EP400: variants seen among roughly 807,000 people sequenced by gnomAD.
EP400 encodes E1A binding protein p400.
A neutral mutation model predicts 354.1 loss-of-function variants in EP400; 105 were observed. The ratio of observed to expected loss-of-function variants is 0.30; its 90% confidence interval spans 0.25 to 0.35. The LOEUF is 0.35. Ranked by LOEUF, EP400 falls within the 10% of genes least tolerant of loss-of-function variation. EP400 has a pLI of 1.00. For synonymous variants in EP400, 1,646 were observed against 1,716.9 expected, an observed-to-expected ratio of 0.96 and a Z score of 1.02; for missense variants, 3,280 against 4,121.0, an observed-to-expected ratio of 0.80 and a Z score of 5.59.
chr12:131,963,487 T>A, intron 2 of EP400: 1 of 1,444,914 alleles, frequency 6.9e-7, no homozygotes, highest in East Asian at 2.3e-5. Flanking sequence ...TTTGAGCAGT[T>A]GTAAAAATTA....
intron 10 of EP400, 111 bp downstream of exon 10, chr12:131,991,567 C>A: frequency 2.2e-6 from 2 of 901,160 alleles, no homozygotes; most frequent in Middle Eastern, 2.3e-4. Flanking sequence ...CTATTACTTC[C>A]TTTCTTTTCT....
intron 1 of EP400, among the ~76,000 whole-genome samples, chr12:131,953,047 G>C (rs936390016): frequency 2.6e-5 from 4 of 152,128 alleles, no homozygotes; most frequent in African/African-American, 9.7e-5. Flanking sequence ...CTCAGTGAGG[G>C]CGATATCTCC....
intron 15 of EP400, among the ~76,000 whole-genome samples, chr12:132,008,418 G>C (rs934415139): frequency 3.9e-5 from 6 of 152,048 alleles, no homozygotes; most frequent in Non-Finnish European, 8.8e-5. Context: ...TCCATTATTT[G>C]TTTCTGTCTT....
Position 132,011,594 on chromosome 12 carries a change from C to T in EP400, c.3401C>T (p.Ser1134Leu), listed in dbSNP as rs1893766932. Residue 1134 changes from serine (S) to leucine (L), a missense_variant, in exon 16 of 53, where the codon TCA becomes TTA. Ser to Leu is a moderately radical substitution (Grantham distance 145). This residue lies in a region of EP400 where 242 missense variants were observed against 357.9 expected (regional missense o/e 0.68). Coordinates refer to ENST00000389561, the MANE Select transcript of EP400 (RefSeq NM_015409.5). ...TGGTGTCCCGGACTCAAAATCCTCT[C>T]ATATATTGGCAGCCACAGAGAACTC... is the stretch of plus-strand genomic sequence containing the variant. ...KRWCPGLKILSYIGSHRELKA... is the reference protein window; with the variant it reads ...KRWCPGLKILLYIGSHRELKA... The T allele has an allele frequency of 1.2e-6, 2 of 1,613,584 alleles. No individual in the cohort carries two copies. Among genetic ancestry groups the T allele is most frequent in the African/African-American group, 2.7e-5 (2 of 75,002 alleles).
intron 4 of EP400, 34 bp downstream of exon 4, chr12:131,981,630 A>G (rs769970714): frequency 9.7e-6 from 15 of 1,538,876 alleles, no homozygotes; most frequent in East Asian, 7.0e-5. Context: ...CTCCCCGCTC[A>G]GGAGCAGGCA....
Position 132,028,738 on chromosome 12 carries a change from G to A in EP400, c.5381+450G>A, listed in dbSNP as rs981612325. 8.5e-5 allele frequency among the ~76,000 whole-genome samples: 13 copies of A among 152,272 alleles called. 1 individual carries two copies. Among genetic ancestry groups the A allele is most frequent in the Admixed American group, 6.5e-4 (10 of 15,296 alleles). Reference sequence around the variant, plus strand: ...CGGTGGGCACGGTGGGCACCCGGCCGCTCTCAACTGAGCTTGCTTTCAGTA... The same window carrying A: ...CGGTGGGCACGGTGGGCACCCGGCCACTCTCAACTGAGCTTGCTTTCAGTA... On this transcript the variant is annotated intron_variant, in intron 27 of 52. Coordinates refer to ENST00000389561, the MANE Select transcript of EP400 (RefSeq NM_015409.5).
chr12:132,013,890 C>T lies in EP400; in HGVS notation c.3900C>T (p.Tyr1300=), dbSNP rs763616684. The T allele has an allele frequency of 2.5e-6, 4 of 1,614,142 alleles. No homozygotes were observed. Among genetic ancestry groups the T allele is most frequent in the Admixed American group, 3.3e-5 (2 of 60,010 alleles). ...CRLSNRQKAL[Y]EDVILQPGTQ... The stretch of plus-strand genomic sequence containing the variant: ...TTTCTAACCGACAAAAAGCCTTATA[C>T]GAGGACGTTATCCTGCAACCTGGGT... The change falls in exon 19 of 53, where the codon TAC becomes TAT. Residue 1300 remains tyrosine (Y), a synonymous_variant. Coordinates refer to ENST00000389561, the MANE Select transcript of EP400 (RefSeq NM_015409.5). The surrounding 1 kb of genome is among the most constrained non-coding windows in gnomAD (Gnocchi z 4.5).
chr12:132,045,172 G>C, intron 37 of EP400, 147 bp from the exon 38 acceptor site: 2 of 1,374,522 alleles, frequency 1.5e-6, no homozygotes, highest in Non-Finnish European at 1.9e-6. Flanking sequence ...ATGAAGGCCC[G>C]AAAGCAGGTC....
intron 12 of EP400, 41 bp from the exon 13 acceptor site, chr12:132,005,036 T>C: frequency 1.4e-6 from 2 of 1,454,024 alleles, no homozygotes; most frequent in Non-Finnish European, 9.5e-7. Context: ...TTACAGTTGT[T>C]GTTATAAAGT....
intron 19 of EP400, among the ~76,000 whole-genome samples, chr12:132,015,328 G>A (rs149164965): frequency 8.5e-5 from 13 of 152,330 alleles, no homozygotes; most frequent in African/African-American, 2.9e-4. Context: ...GACAGAAACC[G>A]CTTTGCCATG....
intron 11 of EP400, among the ~76,000 whole-genome samples, chr12:131,993,184 G>A (rs1936056081): frequency 6.6e-6 from 1 of 152,006 alleles, no homozygotes; most frequent in African/African-American, 2.4e-5. Flanking sequence ...GGACTACTAC[G>A]CAGCTAATTT....
chr12:132,063,796 C>T (rs114745040), intron 47 of EP400, among the ~76,000 whole-genome samples: 211 of 152,272 alleles, frequency 1.4e-3, no homozygotes, highest in African/African-American at 4.8e-3. Context: ...AGCCATCCCT[C>T]GAGGGCTGCA....
In EP400 at chr12:131,979,732, A is replaced by C. The variant is rs1298708077; in HGVS notation, c.1374A>C (p.Gly458=). 1 of 1,610,250 alleles carries C rather than the reference A, an allele frequency of 6.2e-7. No individual in the cohort carries two copies. Among genetic ancestry groups the C allele is most frequent in the Non-Finnish European group, 8.5e-7 (1 of 1,178,166 alleles). ...ALAGSLVAGA[G]STVETDLFKR... ...CAGGGAGCCTGGTAGCAGGGGCCGG[A>C]AGCACAGTAGAGACGGACCTGTTTA... Residue 458 remains glycine, a synonymous_variant, in exon 3 of 53, where the codon GGA becomes GGC. Transcript: ENST00000389561.
intron 12 of EP400, among the ~76,000 whole-genome samples, chr12:132,002,850 A>G (rs77638131): frequency 0.017 from 2,595 of 152,312 alleles, 74 homozygotes; most frequent in African/African-American, 0.06. Context: ...AGCTGAATCC[A>G]TGAGCAGAGC....
intron 30 of EP400, among the ~76,000 whole-genome samples, chr12:132,036,257 G>A (rs1040618325): frequency 1.4e-5 from 2 of 145,002 alleles, no homozygotes; most frequent in Middle Eastern, 4.4e-3. Flanking sequence ...AGGTTCACAC[G>A]GAACGTCGTG....
intron 51 of EP400, among the ~76,000 whole-genome samples, chr12:132,073,080 G>C (rs981279847): frequency 1.3e-5 from 2 of 152,084 alleles, no homozygotes; most frequent in South Asian, 2.1e-4. Flanking sequence ...TTCCATCTCT[G>C]ACTCTTACCT....
Position 132,011,651 on chromosome 12 carries a change from C to G in EP400, c.3441+17C>G. The G allele has an allele frequency of 3.8e-6, 6 of 1,580,636 alleles. No individual in the cohort carries two copies. The highest frequency in any genetic ancestry group is 1.7e-4 in the Middle Eastern group (1 of 5,822). ...AAGAGACAGGTATTTTTTTTTTAAA[C>G]ATAAAATAAAGCTAAACAGAAAGCC... On this transcript the variant is annotated intron_variant, in intron 16 of 52. Coordinates refer to ENST00000389561, the MANE Select transcript of EP400 (RefSeq NM_015409.5).
chr12:132,012,025 C>T (rs1325209135), intron 16 of EP400, among the ~76,000 whole-genome samples: 1 of 152,220 alleles, frequency 6.6e-6, no homozygotes, highest in Non-Finnish European at 1.5e-5. Flanking sequence ...AGAACCATTT[C>T]CACAACATGC....
At chr12:132,051,148 C>G in intron 41 of EP400, 1 of 179,632 alleles carries the variant, frequency 5.6e-6, no homozygotes, top group South Asian at 1.3e-4. Context: ...AGTGTGGAAC[C>G]TTACTGCCAG....
Sources: allele counts gnomAD v4.1 joint callset (sites outside exome capture counted in the v4.1 genomes callset), GRCh38; gene constraint gnomAD v4.1.1; regional missense constraint gnomAD v4.1.1; non-coding constraint Gnocchi (gnomAD v3.1); transcripts MANE v1.5; gene names NCBI Gene and HGNC (gene_info 2026-07-23, HGNC 2026-07-21).